The following CCSER1 variants were observed in gnomAD, a reference collection of about 807,000 sequenced individuals.
CCSER1 encodes the protein coiled-coil serine rich protein 1, also known as serine-rich coiled-coil domain-containing protein 1.
In CCSER1, 41 loss-of-function variants were observed where a neutral mutation model predicts 82.0. That is an observed-to-expected ratio of 0.50 (90% confidence interval 0.39 to 0.65). CCSER1 has a LOEUF of 0.65. Ranked by LOEUF, CCSER1 falls within the 30% of genes least tolerant of loss-of-function variation. The pLI is 0.00. For missense variants in CCSER1, 1,119 were observed against 1,064.2 expected, an observed-to-expected ratio of 1.05 and a Z score of -0.72; for synonymous variants, 414 against 383.9, an observed-to-expected ratio of 1.08 and a Z score of -0.92.
chr4:91,343,238 G>A (rs780800042), intron 10 of CCSER1, among the ~76,000 whole-genome samples: 2 of 151,880 alleles, frequency 1.3e-5, no homozygotes, highest in Non-Finnish European at 2.9e-5. Context: ...TACATAGTAT[G>A]TGATTAATAA....
At chr4:90,172,888 A>T (rs191795257) in intron 1 of CCSER1, among the ~76,000 whole-genome samples, 1 of 152,012 alleles carries the variant, frequency 6.6e-6, no homozygotes, top group East Asian at 1.9e-4. Context: ...GGAGAGTAGG[A>T]TTGTAAAATC....
rs1764852250 is a variant in CCSER1 at position 91,602,564 on chromosome 4, A to G, written c.*3507A>G. ...CAGCTTCTCATTATAAAGAAATAGT[A>G]ACCCATAGCAGTGGATAATTTGGAA... On this transcript the variant is annotated 3_prime_UTR_variant, in exon 11 of 11. Coordinates refer to ENST00000509176, the MANE Select transcript of CCSER1 (RefSeq NM_001145065.2). Among the ~76,000 whole-genome samples the G allele has an allele frequency of 6.6e-6, 1 of 152,036 alleles. No individual in the cohort carries two copies. The highest frequency in any genetic ancestry group is 2.4e-5 in the African/African-American group (1 of 41,452).
intron 6 of CCSER1, among the ~76,000 whole-genome samples, chr4:90,665,356 C>T: frequency 6.7e-6 from 1 of 148,692 alleles, no homozygotes; most frequent in African/African-American, 2.5e-5. Flanking sequence ...CGGAGTCTTG[C>T]TGTCGCCCAG....
At chr4:91,186,480 G>A (rs1325873036) in intron 10 of CCSER1, among the ~76,000 whole-genome samples, 2 of 152,044 alleles carry the variant, frequency 1.3e-5, no homozygotes, top group Non-Finnish European at 2.9e-5. Flanking sequence ...GCAATCCTTC[G>A]ACCTGGATTC....
At chr4:90,293,835 G>A (rs1036434191) in intron 1 of CCSER1, among the ~76,000 whole-genome samples, 5 of 151,716 alleles carry the variant, frequency 3.3e-5, no homozygotes, top group African/African-American at 1.2e-4. Context: ...AAAGGAAGAG[G>A]TATAATGGCA....
At chr4:90,665,663 G>A (rs1485304567) in intron 6 of CCSER1, among the ~76,000 whole-genome samples, 2 of 152,162 alleles carry the variant, frequency 1.3e-5, no homozygotes, top group Non-Finnish European at 2.9e-5. Flanking sequence ...ATTTCCAGCT[G>A]AGGGAAATGC....
At chr4:90,852,840 G>A (rs1311174403) in intron 8 of CCSER1, among the ~76,000 whole-genome samples, 2 of 152,072 alleles carry the variant, frequency 1.3e-5, no homozygotes, top group African/African-American at 4.8e-5. Context: ...AAAAGTTTTT[G>A]TATATTAAAA....
chr4:90,276,450 G>A (rs1194678671), intron 1 of CCSER1, among the ~76,000 whole-genome samples: 2 of 149,718 alleles, frequency 1.3e-5, no homozygotes, highest in African/African-American at 4.9e-5. Context: ...GGATTCAAGC[G>A]ATTCTCCTGC....
intron 5 of CCSER1, among the ~76,000 whole-genome samples, chr4:90,540,814 T>C (rs536188454): frequency 1.3e-5 from 2 of 152,166 alleles, no homozygotes; most frequent in Admixed American, 6.5e-5. Context: ...TTTCCATATA[T>C]GTAAAGCAAA....
At chr4:90,290,200 C>G (rs547344832) in intron 1 of CCSER1, among the ~76,000 whole-genome samples, 23 of 151,616 alleles carry the variant, frequency 1.5e-4, no homozygotes, top group African/African-American at 5.3e-4. Context: ...GAATGTTAAC[C>G]CATATATTAT....
intron 10 of CCSER1, among the ~76,000 whole-genome samples, chr4:91,208,432 A>G (rs1238861113): frequency 2.0e-5 from 3 of 151,610 alleles, no homozygotes; most frequent in African/African-American, 7.3e-5. Flanking sequence ...GTCCTATTTT[A>G]CTCTTCTACA....
At chr4:90,726,006 A>G (rs1371613384) in intron 7 of CCSER1, among the ~76,000 whole-genome samples, 2 of 151,982 alleles carry the variant, frequency 1.3e-5, no homozygotes, top group South Asian at 2.1e-4. Flanking sequence ...TCTAAGATAC[A>G]GTGATTTCAG....
chr4:90,895,065 T>C (rs1272457246), intron 8 of CCSER1, among the ~76,000 whole-genome samples: 1 of 151,986 alleles, frequency 6.6e-6, no homozygotes, highest in Non-Finnish European at 1.5e-5. Flanking sequence ...AATATAATGC[T>C]TCAGGTGTAA....
chr4:90,767,631 A>G (rs1017742435), intron 7 of CCSER1, among the ~76,000 whole-genome samples: 1 of 152,076 alleles, frequency 6.6e-6, no homozygotes, highest in African/African-American at 2.4e-5. Context: ...CATGTGGCTT[A>G]GTAAAAGTTA....
At chr4:90,969,932 A>AAAAAACCTCT (rs1734930559) in intron 9 of CCSER1, among the ~76,000 whole-genome samples, 2 of 151,712 alleles carry the variant, frequency 1.3e-5, no homozygotes, top group Admixed American at 1.3e-4. Flanking sequence ...TAAGAAATAA[A>AAAAAACCTCT]AAAAACCTCT....
intron 6 of CCSER1, among the ~76,000 whole-genome samples, chr4:90,637,516 A>G (rs539858158): frequency 1.3e-5 from 2 of 152,232 alleles, no homozygotes; most frequent in East Asian, 1.9e-4. Flanking sequence ...GAGGCTGTCT[A>G]CCAGTCAATG....
At chr4:90,638,913 A>G (rs1560860891) in intron 6 of CCSER1, among the ~76,000 whole-genome samples, 2 of 152,150 alleles carry the variant, frequency 1.3e-5, no homozygotes, top group Admixed American at 6.6e-5. Context: ...CACTTCTGCC[A>G]TTGTATAGCT....
intron 9 of CCSER1, among the ~76,000 whole-genome samples, chr4:91,071,265 A>ACC (rs969740863): frequency 4.1e-4 from 63 of 152,340 alleles, no homozygotes; most frequent in African/African-American, 1.5e-3. Flanking sequence ...AAAGATGATA[A>ACC]CACACAATAA....
chr4:91,586,673 A>G (rs1455811077), intron 10 of CCSER1, among the ~76,000 whole-genome samples: 1 of 151,798 alleles, frequency 6.6e-6, no homozygotes, highest in East Asian at 1.9e-4. Flanking sequence ...GGTAGGGGTG[A>G]TGGTGAGAAA....
Sources: allele counts gnomAD v4.1 joint callset (sites outside exome capture counted in the v4.1 genomes callset), GRCh38; gene constraint gnomAD v4.1.1; transcripts MANE v1.5; gene names NCBI Gene and HGNC (gene_info 2026-07-23, HGNC 2026-07-21).